Variants in SLC9A9 observed in about 807,000 individuals in gnomAD.
The protein encoded by SLC9A9 is sodium/hydrogen exchanger 9.
SLC9A9 carries 62 observed loss-of-function variants against 77.8 expected under a neutral mutation model. The ratio of observed to expected loss-of-function variants is 0.80; its 90% confidence interval spans 0.65 to 0.98. The LOEUF (loss-of-function observed/expected upper bound fraction) is 0.98, where lower values mean the gene tolerates loss of function less well. SLC9A9 is among the 50% of genes least tolerant of loss of function. The pLI, the probability that SLC9A9 is intolerant of heterozygous loss-of-function variation, is 0.00. For missense variants in SLC9A9, 775 were observed against 774.9 expected (o/e 1.00, Z 0.00); for synonymous variants, 320 against 283.5 (o/e 1.13, Z -1.29).
chr3:143,463,073 A>G (rs1332653982), intron 12 of SLC9A9, among the ~76,000 whole-genome samples: 1 of 152,242 alleles, frequency 6.6e-6, no homozygotes, highest in Non-Finnish European at 1.5e-5. Flanking sequence ...TAAGCACTCA[A>G]TACAAGTCAG....
chr3:143,481,624 A>T lies in SLC9A9; in HGVS notation c.1315+12029T>A, dbSNP rs554465831. Among the ~76,000 whole-genome samples, 89 of 152,364 alleles carry T rather than the reference A, an allele frequency of 5.8e-4. 1 individual carries two copies. The highest frequency in any genetic ancestry group is 3.4e-3 in the Middle Eastern group (1 of 294). The stretch of plus-strand genomic sequence containing the variant: ...ATGAATTGAGATTATGTTCTGAAAC[A>T]TGCTTCTCAAACTTCCATGTGCACA... On this transcript the variant is annotated intron_variant, in intron 11 of 15. Coordinates refer to ENST00000316549, the MANE Select transcript of SLC9A9 (RefSeq NM_173653.4).
chr3:143,699,922 A>T (rs1247184094), intron 4 of SLC9A9, among the ~76,000 whole-genome samples: 1 of 151,650 alleles, frequency 6.6e-6, no homozygotes, highest in Non-Finnish European at 1.5e-5. Context: ...TCCAAAAGAG[A>T]TCCCTTCCTT....
rs530613360 is a variant in SLC9A9 at position 143,381,826 on chromosome 3, C to T, written c.1524+234G>A. 9.2e-6 allele frequency: 5 copies of T among 541,852 alleles called. No homozygotes were observed. The South Asian group carries it at 1.0e-4, about 11-fold the overall frequency. 33.6% of individuals were successfully genotyped at this position (541,852 alleles called of 1,614,324 possible). On this transcript the variant is annotated intron_variant, in intron 13 of 15. Transcript: ENST00000316549. The stretch of plus-strand genomic sequence containing the variant: ...TCATATACTTTGTAAAGTTTCCAGA[C>T]TTCCTGCTGCCATAGAGAGGCTTGC...
chr3:143,309,032 C>T (rs2030920877), intron 14 of SLC9A9, among the ~76,000 whole-genome samples: 2 of 152,332 alleles, frequency 1.3e-5, no homozygotes, highest in Admixed American at 1.3e-4. Context: ...CATTTATACA[C>T]ATGAGCAAGG....
intron 1 of SLC9A9, among the ~76,000 whole-genome samples, chr3:143,840,994 A>C (rs2009692318): frequency 6.6e-6 from 1 of 152,120 alleles, no homozygotes; most frequent in East Asian, 1.9e-4. Flanking sequence ...AAACTTCCTA[A>C]GGTACCATCA....
intron 11 of SLC9A9, among the ~76,000 whole-genome samples, chr3:143,493,104 G>T (rs556061888): frequency 6.6e-6 from 1 of 152,264 alleles, no homozygotes; most frequent in East Asian, 1.9e-4. Context: ...ATCAATCAGT[G>T]CCCAGAACTC....
intron 4 of SLC9A9, among the ~76,000 whole-genome samples, chr3:143,787,246 T>C (rs964170669): frequency 2.0e-5 from 3 of 152,224 alleles, no homozygotes; most frequent in Non-Finnish European, 2.9e-5. Flanking sequence ...TTTAATATAA[T>C]TGATACATGC....
chr3:143,495,990 C>A (rs114502760), intron 9 of SLC9A9, among the ~76,000 whole-genome samples: 1 of 152,038 alleles, frequency 6.6e-6, no homozygotes, highest in Non-Finnish European at 1.5e-5. Context: ...TTAGAGTGAT[C>A]GGTATATTTC....
At chr3:143,652,220 G>C in intron 6 of SLC9A9, 35 bp downstream of exon 6, 1 of 1,509,922 alleles carries the variant, frequency 6.6e-7, no homozygotes. Flanking sequence ...TATTTCACAT[G>C]ATTAAAGAAA....
At chr3:143,403,464 G>A (rs1455451276) in intron 12 of SLC9A9, among the ~76,000 whole-genome samples, 6 of 149,814 alleles carry the variant, frequency 4.0e-5, no homozygotes, top group East Asian at 1.9e-4. Context: ...TTTTTTCCAC[G>A]TGGATTTGAA....
intron 14 of SLC9A9, chr3:143,314,516 A>C (rs2031135539): frequency 6.6e-6 from 1 of 152,264 alleles, no homozygotes; most frequent in Non-Finnish European, 1.5e-5. Flanking sequence ...CTTAAAATTG[A>C]TTAGCAAGTA....
chr3:143,597,996 G>C (rs75988999), intron 6 of SLC9A9, among the ~76,000 whole-genome samples: 1 of 152,248 alleles, frequency 6.6e-6, no homozygotes, highest in African/African-American at 2.4e-5. Context: ...GAGAGCTGTT[G>C]TCAACAGCTC....
chr3:143,699,793 C>CTGAACTGGGCTCAGAGCCAG (rs1240604919), intron 4 of SLC9A9, among the ~76,000 whole-genome samples: 1 of 152,104 alleles, frequency 6.6e-6, no homozygotes. Context: ...CAGCTCAGTG[C>CTGAACTGGGCTCAGAGCCAG]TGAACTGGGC....
At chr3:143,847,135 T>C (rs533968790) in intron 1 of SLC9A9, among the ~76,000 whole-genome samples, 32 of 152,308 alleles carry the variant, frequency 2.1e-4, no homozygotes, top group African/African-American at 7.7e-4. Context: ...ACAATGTGCA[T>C]TGATCTGTAC....
chr3:143,575,041 G>A (rs1424337093), intron 7 of SLC9A9, among the ~76,000 whole-genome samples: 3 of 152,132 alleles, frequency 2.0e-5, no homozygotes, highest in African/African-American at 7.2e-5. Flanking sequence ...TTTAGCAGGG[G>A]AGCAGGGAGC....
intron 14 of SLC9A9, among the ~76,000 whole-genome samples, chr3:143,343,974 G>T (rs889424002): frequency 2.0e-5 from 3 of 152,064 alleles, no homozygotes; most frequent in African/African-American, 7.2e-5. Flanking sequence ...TCTATCTTTT[G>T]GGCTGGCAAT....
intron 14 of SLC9A9, among the ~76,000 whole-genome samples, chr3:143,322,398 G>C (rs2031450107): frequency 6.6e-6 from 1 of 152,138 alleles, no homozygotes; most frequent in Non-Finnish European, 1.5e-5. Flanking sequence ...TTATACTATT[G>C]GCTCACCTGG....
intron 12 of SLC9A9, among the ~76,000 whole-genome samples, chr3:143,382,643 A>G (rs2033334142): frequency 6.6e-6 from 1 of 152,206 alleles, no homozygotes; most frequent in South Asian, 2.1e-4. Context: ...ACAAAAATAT[A>G]AACACAAAAT....
At chr3:143,312,057 G>T (rs2031037548) in intron 14 of SLC9A9, among the ~76,000 whole-genome samples, 1 of 152,240 alleles carries the variant, frequency 6.6e-6, no homozygotes, top group African/African-American at 2.4e-5. Context: ...CCTGGATGCT[G>T]AGAATTTTGT....
Sources: gnomAD v4.1 joint callset for allele counts (sites outside exome capture counted in the v4.1 genomes callset) on GRCh38, gnomAD v4.1.1 for gene constraint, MANE v1.5 for transcripts, NCBI Gene and HGNC (gene_info 2026-07-23, HGNC 2026-07-21) for gene names.